PACS1: variants seen among roughly 807,000 people sequenced by gnomAD.
The protein encoded by PACS1 is PACS-1.
In PACS1, 24 loss-of-function variants were observed where a neutral mutation model predicts 115.0. The ratio of observed to expected loss-of-function variants is 0.21; its 90% CI spans 0.15 to 0.29. The LOEUF is 0.29. PACS1 is among the 10% of genes least tolerant of loss of function. The probability of loss-of-function intolerance (pLI) is 1.00; values close to 1 mark genes in which losing one functional copy is unlikely to be tolerated. For missense variants in PACS1, 838 were observed against 1,251.2 expected, an observed-to-expected ratio of 0.67 and a Z score of 4.98; for synonymous variants, 453 against 504.5, an observed-to-expected ratio of 0.90 and a Z score of 1.37.
intron 4 of PACS1, among the ~76,000 whole-genome samples, chr11:66,214,584 C>G (rs554699049): frequency 7.2e-6 from 1 of 139,202 alleles, no homozygotes; most frequent in African/African-American, 2.6e-5. Context: ...TTCTCTCTCT[C>G]GCTCCCATTC....
intron 1 of PACS1, among the ~76,000 whole-genome samples, chr11:66,112,484 C>G (rs181155817): frequency 6.6e-6 from 1 of 152,326 alleles, no homozygotes; most frequent in African/African-American, 2.4e-5. Context: ...TCACATGCCT[C>G]TCGTTGCTTT....
chr11:66,189,366 A>G (rs1854463702), intron 1 of PACS1, among the ~76,000 whole-genome samples: 1 of 152,208 alleles, frequency 6.6e-6, no homozygotes, highest in South Asian at 2.1e-4. Flanking sequence ...TCTTGTTAAC[A>G]TGAGGTGCCG....
chr11:66,241,707 T>C, intron 22 of PACS1, 54 bp downstream of exon 22: 3 of 1,394,544 alleles, frequency 2.2e-6, no homozygotes, highest in Non-Finnish European at 3.0e-6. Context: ...TCCCGTCTCG[T>C]CTCTCAGGGC....
At position 66,156,770 on chromosome 11, in the gene PACS1, C is replaced by T. The variant is rs189305872; in HGVS notation, c.357-36716C>T. Among the ~76,000 whole-genome samples the T allele has an allele frequency of 6.0e-3, 904 of 151,470 alleles. 5 individuals carry two copies. The highest frequency in any genetic ancestry group is 0.02 in the African/African-American group (832 of 41,266). On this transcript the variant is annotated intron_variant, in intron 1 of 23. Coordinates refer to ENST00000320580, the MANE Select transcript of PACS1 (RefSeq NM_018026.4). The stretch of plus-strand genomic sequence containing the variant: ...TCGGGAGGCTGAGGCAGGAGAATGG[C>T]GTGAACCTGGGAGGCGGAGCTTGCG...
At chr11:66,113,202 A>C (rs1301402888) in intron 1 of PACS1, among the ~76,000 whole-genome samples, 1 of 152,198 alleles carries the variant, frequency 6.6e-6, no homozygotes, top group Non-Finnish European at 1.5e-5. Flanking sequence ...CTATTTCTCA[A>C]AGTTGAACTG....
chr11:66,072,992 A>G (rs1050533108), intron 1 of PACS1, among the ~76,000 whole-genome samples: 1 of 152,220 alleles, frequency 6.6e-6, no homozygotes, highest in African/African-American at 2.4e-5. Context: ...ATCCTGATCA[A>G]ATGTATAATT....
intron 1 of PACS1, among the ~76,000 whole-genome samples, chr11:66,096,209 CTTTTT>C (rs66569530): frequency 0.012 from 1,417 of 119,440 alleles, 5 homozygotes; most frequent in Non-Finnish European, 0.018. Flanking sequence ...CTTTTTCTTT[CTTTTT>C]TTTTTTTTTT....
intron 1 of PACS1, among the ~76,000 whole-genome samples, chr11:66,154,183 T>C (rs2134613556): frequency 6.6e-6 from 1 of 152,266 alleles, no homozygotes; most frequent in South Asian, 2.1e-4. Context: ...ACGTCAGTAA[T>C]CCCAGTGCTT....
chr11:66,220,205 G>T (rs1329166118), intron 8 of PACS1: 2 of 307,914 alleles, frequency 6.5e-6, no homozygotes, highest in East Asian at 1.5e-4. Context: ...CAGGAATGGG[G>T]CTGCTGAGAG....
At chr11:66,104,363 C>T (rs920680012) in intron 1 of PACS1, among the ~76,000 whole-genome samples, 1 of 152,116 alleles carries the variant, frequency 6.6e-6, no homozygotes. Flanking sequence ...TAATAGTAGT[C>T]ATTTTGAACC....
At chr11:66,109,655 G>C (rs1315771788) in intron 1 of PACS1, among the ~76,000 whole-genome samples, 1 of 152,140 alleles carries the variant, frequency 6.6e-6, no homozygotes, top group Admixed American at 6.5e-5. Context: ...ATTTTCTGCT[G>C]TGTTGTTTCA....
chr11:66,111,157 A>C lies in PACS1; in HGVS notation c.356+40315A>C, dbSNP rs543792753. 1.2e-4 allele frequency among the ~76,000 whole-genome samples: 18 copies of C among 152,354 alleles called. No individual in the cohort carries two copies. In the South Asian group the frequency reaches 3.7e-3, roughly 32 times the overall value. ...CTCCTAAGCTACAAACCTGTACAGC[A>C]CTGATTCAACTTTAGGCAATTGTAA... On this transcript the variant is annotated intron_variant, in intron 1 of 23. Transcript: ENST00000320580.
chr11:66,161,408 A>C (rs1044477290), intron 1 of PACS1, among the ~76,000 whole-genome samples: 9 of 151,564 alleles, frequency 5.9e-5, no homozygotes, highest in Non-Finnish European at 1.5e-5. Context: ...AGCCGAGATC[A>C]CACTGCTGTA....
chr11:66,109,777 C>T (rs1203192392), intron 1 of PACS1, among the ~76,000 whole-genome samples: 1 of 152,214 alleles, frequency 6.6e-6, no homozygotes, highest in East Asian at 1.9e-4. Flanking sequence ...TTAGTTCTCT[C>T]TCCTCATCTC....
chr11:66,095,705 G>A (rs897019589), intron 1 of PACS1, among the ~76,000 whole-genome samples: 1 of 151,936 alleles, frequency 6.6e-6, no homozygotes, highest in African/African-American at 2.4e-5. Flanking sequence ...TGATCCACCC[G>A]CCTTGGCCTC....
At chr11:66,155,576 T>TA in intron 1 of PACS1, among the ~76,000 whole-genome samples, 1 of 152,244 alleles carries the variant, frequency 6.6e-6, no homozygotes, top group Middle Eastern at 3.4e-3. Context: ...GGCTAAAATT[T>TA]AAGAGACTGA....
At chr11:66,214,151 G>A (rs1855143712) in intron 4 of PACS1, among the ~76,000 whole-genome samples, 1 of 151,158 alleles carries the variant, frequency 6.6e-6, no homozygotes, top group Non-Finnish European at 1.5e-5. Context: ...GAAAGCAGCC[G>A]CTAATCTGTT....
chr11:66,236,062 C>G lies in PACS1; in HGVS notation c.2250+122C>G. ...GTTCTCCAGACACTGGAGATTTTGC[C>G]TCCAGGGACTACCTGGCAGTGTCTG... On this transcript the variant is annotated intron_variant, in intron 19 of 23. Transcript: ENST00000320580. This position sits in a 1 kb window ranked among gnomAD's most constrained non-coding sequence, Gnocchi z 4.2. 2.2e-6 allele frequency: 2 copies of G among 916,210 alleles called. No homozygotes were observed. The highest frequency in any genetic ancestry group is 2.6e-5 in the South Asian group (2 of 76,276). 56.8% of individuals were successfully genotyped at this position (916,210 alleles called of 1,614,324 possible).
intron 1 of PACS1, among the ~76,000 whole-genome samples, chr11:66,183,520 G>A (rs1050990685): frequency 6.6e-6 from 1 of 152,216 alleles, no homozygotes; most frequent in Non-Finnish European, 1.5e-5. Context: ...TTTCTTGGTA[G>A]GACAAAGGAG....
Sources: allele counts gnomAD v4.1 joint callset (sites outside exome capture counted in the v4.1 genomes callset), GRCh38; gene constraint gnomAD v4.1.1; non-coding constraint Gnocchi (gnomAD v3.1); transcripts MANE v1.5; gene names NCBI Gene and HGNC (gene_info 2026-07-23, HGNC 2026-07-21).